Variants in L3MBTL4 observed in about 807,000 individuals in gnomAD.
L3MBTL4 encodes the protein lethal(3)malignant brain tumor-like protein 4.
L3MBTL4 carries 70 observed loss-of-function variants against 84.5 expected under a neutral mutation model. That is an observed-to-expected ratio of 0.83 (90% confidence interval 0.68 to 1.01). The LOEUF (loss-of-function observed/expected upper bound fraction) is 1.01, where lower values mean the gene tolerates loss of function less well. Ranked by LOEUF, L3MBTL4 falls within the 50% of genes least tolerant of loss-of-function variation. L3MBTL4 has a pLI of 0.00. For missense variants in L3MBTL4, 715 were observed against 754.8 expected (o/e 0.95, Z 0.62); for synonymous variants, 274 against 259.8 (o/e 1.05, Z -0.52).
chr18:6,143,920 G>T (rs1034254751), intron 13 of L3MBTL4, among the ~76,000 whole-genome samples: 1 of 152,102 alleles, frequency 6.6e-6, no homozygotes. Flanking sequence ...AGCAACGGCT[G>T]GGCGCGGTGG....
At chr18:6,037,393 T>A (rs1181675780) in intron 16 of L3MBTL4, among the ~76,000 whole-genome samples, 1 of 152,114 alleles carries the variant, frequency 6.6e-6, no homozygotes, top group Non-Finnish European at 1.5e-5. Flanking sequence ...GACTCTGGAG[T>A]TCCAAAACAA....
intron 14 of L3MBTL4, among the ~76,000 whole-genome samples, chr18:6,116,150 C>T (rs780670146): frequency 6.6e-5 from 10 of 152,006 alleles, no homozygotes; most frequent in Non-Finnish European, 1.5e-4. Flanking sequence ...CCAATAGTGC[C>T]GCAGAAGAGC....
chr18:5,986,061 C>A (rs985481149), intron 16 of L3MBTL4, among the ~76,000 whole-genome samples: 1 of 152,044 alleles, frequency 6.6e-6, no homozygotes, highest in Non-Finnish European at 1.5e-5. Flanking sequence ...GAGAGAGCAA[C>A]CAATCCACAA....
At chr18:5,988,139 G>A (rs189723546) in intron 16 of L3MBTL4, among the ~76,000 whole-genome samples, 5 of 152,336 alleles carry the variant, frequency 3.3e-5, no homozygotes, top group East Asian at 3.9e-4. Context: ...CCAAGACAAC[G>A]TAGTCCATCA....
chr18:6,124,090 A>C (rs1017889424), intron 14 of L3MBTL4, among the ~76,000 whole-genome samples: 1 of 152,208 alleles, frequency 6.6e-6, no homozygotes, highest in Non-Finnish European at 1.5e-5. Flanking sequence ...ACATGAAAAC[A>C]TCTCAGTGGA....
chr18:6,021,926 G>A (rs546577342), intron 16 of L3MBTL4, among the ~76,000 whole-genome samples: 1 of 152,254 alleles, frequency 6.6e-6, no homozygotes, highest in South Asian at 2.1e-4. Flanking sequence ...GCGCTGCTGG[G>A]ACACCCAGTG....
At position 6,268,379 on chromosome 18, in the gene L3MBTL4, C is replaced by T. The variant is rs139595378; in HGVS notation, c.128-4341G>A. Among the ~76,000 whole-genome samples the T allele has an allele frequency of 9.2e-5, 14 of 152,206 alleles. No individual in the cohort carries two copies. In the East Asian group the frequency reaches 2.7e-3, roughly 29 times the overall value. ...CCGAGATGGCGCCATTGCACTCCAG[C>T]CTGGGCAATAAGAACAAAACTCTGT... is the stretch of plus-strand genomic sequence containing the variant. On this transcript the variant is annotated intron_variant, in intron 4 of 18. Coordinates refer to ENST00000317931, the MANE Select transcript of L3MBTL4 (RefSeq NM_001330559.2).
chr18:6,139,312 G>T (rs950191361), intron 13 of L3MBTL4, among the ~76,000 whole-genome samples: 2 of 151,862 alleles, frequency 1.3e-5, no homozygotes, highest in African/African-American at 4.8e-5. Context: ...CATACTATAT[G>T]CTACACTGTG....
rs566240085 is a variant in L3MBTL4 at position 6,101,011 on chromosome 18, G to T, written c.1200-7483C>A. Reference sequence around the variant, plus strand: ...CTTTCATTGGGGGAGATGAGTTGGGGCCCCTTGTTCCGGATCCACACTCAG... The same window carrying T: ...CTTTCATTGGGGGAGATGAGTTGGGTCCCCTTGTTCCGGATCCACACTCAG... On this transcript the variant is annotated intron_variant, in intron 14 of 18. Transcript: ENST00000317931. 1.5e-3 allele frequency among the ~76,000 whole-genome samples: 226 copies of T among 151,942 alleles called. 1 individual carries two copies. The highest frequency in any genetic ancestry group is 6.2e-3 in the South Asian group (30 of 4,818).
chr18:6,129,368 CTGTGTG>C lies in L3MBTL4; in HGVS notation c.1199+8820_1199+8825del, dbSNP rs772735191. ...TCTTAACAATTTACTGGAATTCTCT[CTGTGTG>C]TGTGTGTGTGTGTGTGTGTGTGTGT... On this transcript the variant is annotated intron_variant, in intron 14 of 18. Coordinates refer to ENST00000317931, the MANE Select transcript of L3MBTL4 (RefSeq NM_001330559.2). 9.8e-3 allele frequency among the ~76,000 whole-genome samples: 1,357 copies of C among 138,282 alleles called. 12 individuals carry two copies. The highest frequency in any genetic ancestry group is 0.015 in the Non-Finnish European group (942 of 64,538). 90.7% of individuals were successfully genotyped at this position (138,282 alleles called of 152,430 possible). A position where few individuals can be genotyped will look rare whatever the true frequency, so the allele number is the denominator to read the frequency against.
At chr18:6,409,448 G>C (rs886524347) in intron 1 of L3MBTL4, among the ~76,000 whole-genome samples, 4 of 152,162 alleles carry the variant, frequency 2.6e-5, no homozygotes, top group Non-Finnish European at 5.9e-5. Context: ...ATCAGCATCA[G>C]TGTTGGGGCT....
intron 3 of L3MBTL4, 120 bp from the exon 4 acceptor site, chr18:6,302,077 A>G (rs1483698513): frequency 7.0e-6 from 6 of 851,084 alleles, no homozygotes; most frequent in African/African-American, 1.7e-5. Flanking sequence ...GAGGCGGACA[A>G]CGCACACAAT....
intron 16 of L3MBTL4, among the ~76,000 whole-genome samples, chr18:5,971,331 T>A (rs1044774159): frequency 3.3e-5 from 5 of 152,176 alleles, no homozygotes; most frequent in Non-Finnish European, 7.4e-5. Flanking sequence ...AGCCAGGAGT[T>A]AAAGCCCTGC....
chr18:6,315,919 A>G (rs1432212705), intron 1 of L3MBTL4, among the ~76,000 whole-genome samples: 1 of 152,176 alleles, frequency 6.6e-6, no homozygotes, highest in Non-Finnish European at 1.5e-5. Context: ...TTCTGCACCC[A>G]TAAGTCTTGC....
intron 10 of L3MBTL4, among the ~76,000 whole-genome samples, chr18:6,227,951 G>A (rs2046843893): frequency 6.6e-6 from 1 of 152,164 alleles, no homozygotes; most frequent in South Asian, 2.1e-4. Flanking sequence ...ATAAGCATGA[G>A]CCATCATGCC....
At chr18:5,981,918 C>T (rs1281060734) in intron 16 of L3MBTL4, among the ~76,000 whole-genome samples, 1 of 151,248 alleles carries the variant, frequency 6.6e-6, no homozygotes, top group Non-Finnish European at 1.5e-5. Flanking sequence ...CATGCACAGA[C>T]ACTGTATCTT....
intron 4 of L3MBTL4, among the ~76,000 whole-genome samples, chr18:6,268,435 G>T (rs370313271): frequency 2.0e-5 from 3 of 152,102 alleles, no homozygotes; most frequent in African/African-American, 7.2e-5. Context: ...ATGAATTAAA[G>T]GAAAGGAAGA....
intron 1 of L3MBTL4, among the ~76,000 whole-genome samples, chr18:6,413,753 G>T (rs912219096): frequency 1.3e-5 from 2 of 152,194 alleles, no homozygotes. Flanking sequence ...GGGAATGGCC[G>T]AGTGGGTCGT....
chr18:5,989,007 A>G (rs2053576302), intron 16 of L3MBTL4, among the ~76,000 whole-genome samples: 1 of 152,132 alleles, frequency 6.6e-6, no homozygotes, highest in African/African-American at 2.4e-5. Flanking sequence ...CCAGTGGTGC[A>G]CCTTTGAGGA....
Sources: gnomAD v4.1 joint callset for allele counts (sites outside exome capture counted in the v4.1 genomes callset) on GRCh38, gnomAD v4.1.1 for gene constraint, MANE v1.5 for transcripts, NCBI Gene and HGNC (gene_info 2026-07-23, HGNC 2026-07-21) for gene names.